NOX4: variants seen among roughly 807,000 people sequenced by gnomAD.
NOX4 encodes the protein NADPH oxidase 4, also known as kidney oxidase-1.
A neutral mutation model predicts 87.6 loss-of-function variants in NOX4; 69 were observed. The observed-to-expected ratio is 0.79, with a 90% confidence interval of 0.65 to 0.96. The LOEUF is 0.96. Ranked by LOEUF, NOX4 falls within the 40% of genes least tolerant of loss-of-function variation. NOX4 has a pLI of 0.00. For synonymous variants in NOX4, 275 were observed against 238.2 expected, an observed-to-expected ratio of 1.15 and a Z score of -1.42; for missense variants, 680 against 681.5, an observed-to-expected ratio of 1.00 and a Z score of 0.02.
the NOX4 span, among the ~76,000 whole-genome samples, chr11:89,565,853 G>A: frequency 6.6e-6 from 1 of 151,408 alleles, no homozygotes; most frequent in South Asian, 2.1e-4. Context: ...GATTTTTTCT[G>A]CTTTAATATA....
intron 2 of NOX4, among the ~76,000 whole-genome samples, chr11:89,481,321 T>A (rs1308347457): frequency 1.3e-5 from 2 of 151,956 alleles, no homozygotes; most frequent in Non-Finnish European, 2.9e-5. Flanking sequence ...CTATTCATAA[T>A]ATTGATGCCA....
rs80124693 is a variant in NOX4 at position 89,400,991 on chromosome 11, T to A, written c.847-612A>T. On this transcript the variant is annotated intron_variant, in intron 9 of 17. Coordinates refer to ENST00000263317, the MANE Select transcript of NOX4 (RefSeq NM_016931.5). ...ATTTGGAAACCATGACAGTTTTGAA[T>A]ATGTGTTGCATGGTTAGCCCTGATC... Among the ~76,000 whole-genome samples, 8 of 152,248 alleles carry A rather than the reference T, an allele frequency of 5.3e-5. No individual in the cohort carries two copies. The East Asian group carries it at 1.5e-3, about 29-fold the overall frequency.
At chr11:89,456,734 G>A (rs1565316175) in intron 2 of NOX4, among the ~76,000 whole-genome samples, 1 of 152,166 alleles carries the variant, frequency 6.6e-6, no homozygotes. Flanking sequence ...CTGGCAGAGA[G>A]TTGGCAGAGA....
At chr11:89,491,701 A>C, upstream of NOX4, 1 of 164,044 alleles carries the variant, frequency 6.1e-6, no homozygotes, top group Non-Finnish European at 1.3e-5. Context: ...CTCATACTAA[A>C]AGTGGGGACC....
At chr11:89,403,941 TTTTA>T (rs1489374413) in intron 8 of NOX4, among the ~76,000 whole-genome samples, 1 of 152,154 alleles carries the variant, frequency 6.6e-6, no homozygotes, top group East Asian at 1.9e-4. Flanking sequence ...CTTTTTTAAA[TTTTA>T]TTTTCTTCCT....
chr11:89,577,238 A>G, the NOX4 span: 13 of 152,158 alleles, frequency 8.5e-5, no homozygotes, highest in African/African-American at 3.1e-4. Context: ...ATATAAAAAC[A>G]ATTCTGTAGT....
At chr11:89,572,685 G>A in the NOX4 span, among the ~76,000 whole-genome samples, 7 of 152,092 alleles carry the variant, frequency 4.6e-5, no homozygotes, top group Non-Finnish European at 1.0e-4. Flanking sequence ...AAGTAGCTGG[G>A]ACTACAGGAG....
In NOX4 at chr11:89,385,941, C is replaced by T. The variant is rs190213641; in HGVS notation, c.1075-12449G>A. 8.5e-5 allele frequency among the ~76,000 whole-genome samples: 13 copies of T among 152,226 alleles called. No individual in the cohort carries two copies. In the East Asian group the frequency reaches 2.5e-3, roughly 30 times the overall value. ...CTACATAGTCCAATAATGGACCGGCCTTTATTAGTCAAATCACCCAAGCAG... is the reference window on the plus strand; with the variant it reads ...CTACATAGTCCAATAATGGACCGGCTTTTATTAGTCAAATCACCCAAGCAG... On this transcript the variant is annotated intron_variant, in intron 11 of 17. Coordinates refer to ENST00000263317, the MANE Select transcript of NOX4 (RefSeq NM_016931.5).
the NOX4 span, among the ~76,000 whole-genome samples, chr11:89,544,497 G>A: frequency 2.0e-5 from 3 of 152,118 alleles, no homozygotes; most frequent in Non-Finnish European, 2.9e-5. Context: ...GAAGGTGAAA[G>A]TCATGAAGTA....
chr11:89,443,527 C>T, intron 5 of NOX4: 1 of 152,408 alleles, frequency 6.6e-6, no homozygotes, highest in Non-Finnish European at 1.5e-5. Context: ...ACTGGCTGAG[C>T]ATGTGCTGTT....
chr11:89,569,951 A>G, the NOX4 span, among the ~76,000 whole-genome samples: 56 of 151,622 alleles, frequency 3.7e-4, no homozygotes, highest in Admixed American at 3.3e-3. Context: ...GCAGCGAGCC[A>G]AGATCATGCC....
At chr11:89,574,940 T>A in the NOX4 span, among the ~76,000 whole-genome samples, 1 of 152,186 alleles carries the variant, frequency 6.6e-6, no homozygotes, top group Non-Finnish European at 1.5e-5. Context: ...TCCCAGCACT[T>A]TGGGAGGCAG....
intron 12 of NOX4, among the ~76,000 whole-genome samples, chr11:89,361,283 A>G (rs1221835110): frequency 3.3e-5 from 5 of 152,208 alleles, no homozygotes; most frequent in Admixed American, 2.0e-4. Context: ...AAAGGAACAA[A>G]ATAATGTCTT....
At chr11:89,562,860 T>A in the NOX4 span, among the ~76,000 whole-genome samples, 1 of 152,200 alleles carries the variant, frequency 6.6e-6, no homozygotes, top group African/African-American at 2.4e-5. Context: ...TGAATTGTAA[T>A]CCCCACATGT....
chr11:89,576,259 C>T, the NOX4 span, among the ~76,000 whole-genome samples: 1 of 152,114 alleles, frequency 6.6e-6, no homozygotes, highest in African/African-American at 2.4e-5. Context: ...AGATGAAAGC[C>T]CAAGTCCCTG....
At chr11:89,564,655 T>C in the NOX4 span, among the ~76,000 whole-genome samples, 1 of 152,182 alleles carries the variant, frequency 6.6e-6, no homozygotes, top group Non-Finnish European at 1.5e-5. Flanking sequence ...CTTGACACAC[T>C]TGCCAAAAGA....
chr11:89,328,390 C>T (rs1945303421), intron 17 of NOX4, among the ~76,000 whole-genome samples: 1 of 152,166 alleles, frequency 6.6e-6, no homozygotes, highest in South Asian at 2.1e-4. Context: ...AACGTATCAC[C>T]TTATTTGCAA....
chr11:89,352,679 A>G (rs1291841143), intron 13 of NOX4, among the ~76,000 whole-genome samples: 1 of 152,250 alleles, frequency 6.6e-6, no homozygotes, highest in Non-Finnish European at 1.5e-5. Flanking sequence ...TAGTATAAAT[A>G]GAGAACTAGA....
At chr11:89,528,245 C>A in the NOX4 span, among the ~76,000 whole-genome samples, 26 of 152,206 alleles carry the variant, frequency 1.7e-4, no homozygotes, top group Admixed American at 1.7e-3. Flanking sequence ...GAAGTAACTA[C>A]CTTGCTTTTT....
Sources: allele counts gnomAD v4.1 joint callset (sites outside exome capture counted in the v4.1 genomes callset), GRCh38; gene constraint gnomAD v4.1.1; transcripts MANE v1.5; gene names NCBI Gene and HGNC (gene_info 2026-07-23, HGNC 2026-07-21).